Variants in CYSLTR1 observed in about 807,000 individuals in gnomAD.
CYSLTR1 encodes the protein cysteinyl leukotriene receptor 1, also known as G-protein coupled receptor HG55.
A neutral mutation model predicts 2.1 loss-of-function variants in CYSLTR1; 1 was observed. The observed-to-expected ratio is 0.48, with a 90% CI of 0.17 to 2.28. The LOEUF (loss-of-function observed/expected upper bound fraction) is 2.28, where lower values mean the gene tolerates loss of function less well. Among genes scored for constraint, CYSLTR1 ranks in the 30% most tolerant of loss-of-function variants. The pLI, the probability that CYSLTR1 is intolerant of heterozygous loss-of-function variation, is 0.26. For missense variants in CYSLTR1, 299 were observed against 250.1 expected, an observed-to-expected ratio of 1.20 and a Z score of -1.32; for synonymous variants, 110 against 89.6, an observed-to-expected ratio of 1.23 and a Z score of -1.28.
At chrX:78,315,585 C>A (rs767414924) in intron 1 of CYSLTR1, among the ~76,000 whole-genome samples, 39 of 111,449 alleles carry the variant, frequency 3.5e-4, no homozygotes, top group African/African-American at 1.2e-3. Flanking sequence ...CTGAAGGGAA[C>A]TTGGCCCTTA....
Position 78,283,496 on chromosome X carries a change from T to C in CYSLTR1, c.-70A>G, listed in dbSNP as rs927651432. The C allele has an allele frequency of 3.6e-5, 4 of 112,550 alleles. No individual in the cohort carries two copies. The highest frequency in any genetic ancestry group is 5.6e-5 in the Non-Finnish European group (3 of 53,325). The allele number at this position is 112,550 out of a possible 1,213,427, so 9.3% of individuals were successfully genotyped here. Reference sequence around the variant, plus strand: ...GTACCTTCACAAATGTTCCTTCTTATGGTGATCAATGCCTTTTACGGTGTA... The same window carrying C: ...GTACCTTCACAAATGTTCCTTCTTACGGTGATCAATGCCTTTTACGGTGTA... On this transcript the variant is annotated 5_prime_UTR_variant, in exon 2 of 3. Transcript: ENST00000373304.
At chrX:78,293,997 C>T (rs1458476684) in intron 1 of CYSLTR1, among the ~76,000 whole-genome samples, 1 of 112,396 alleles carries the variant, frequency 8.9e-6, no homozygotes, top group Non-Finnish European at 1.9e-5. Flanking sequence ...TTGTCAAAGT[C>T]ATTCTCTGTC....
At chrX:78,324,431 G>T (rs1176154499) in intron 1 of CYSLTR1, among the ~76,000 whole-genome samples, 2 of 111,914 alleles carry the variant, frequency 1.8e-5, no homozygotes, top group African/African-American at 6.5e-5. Flanking sequence ...GCAGTGGCGC[G>T]ATCTCGGCTC....
At chrX:78,277,276 G>T (rs1374653897) in intron 2 of CYSLTR1, among the ~76,000 whole-genome samples, 1 of 111,177 alleles carries the variant, frequency 9.0e-6, no homozygotes, top group Non-Finnish European at 1.9e-5. Flanking sequence ...CTCTCCCAGG[G>T]TCCCTGCCTG....
chrX:78,284,789 T>C (rs367780587), intron 1 of CYSLTR1, among the ~76,000 whole-genome samples: 1 of 95,356 alleles, frequency 1.0e-5, no homozygotes, highest in Non-Finnish European at 2.1e-5. Context: ...AAAAGGAAAA[T>C]AAAAGAAATG....
intron 1 of CYSLTR1, among the ~76,000 whole-genome samples, chrX:78,286,223 T>C (rs1001335856): frequency 4.5e-5 from 5 of 110,793 alleles, no homozygotes; most frequent in African/African-American, 1.6e-4. Context: ...GATGGGAGGA[T>C]TGCTTGAGGT....
At chrX:78,314,895 C>G (rs1923351953) in intron 1 of CYSLTR1, among the ~76,000 whole-genome samples, 1 of 108,949 alleles carries the variant, frequency 9.2e-6, no homozygotes, top group South Asian at 4.0e-4. Flanking sequence ...TGCCCAGATA[C>G]AGTGGACTAG....
intron 1 of CYSLTR1, among the ~76,000 whole-genome samples, 156 bp from the exon 2 acceptor site, chrX:78,283,696 C>T (rs1450222046): frequency 2.7e-5 from 3 of 111,991 alleles, no homozygotes; most frequent in Non-Finnish European, 3.8e-5. Flanking sequence ...TCTGTGTCTC[C>T]TTCTTTTTTC....
At chrX:78,287,481 G>T (rs186900427) in intron 1 of CYSLTR1, among the ~76,000 whole-genome samples, 1 of 111,258 alleles carries the variant, frequency 9.0e-6, no homozygotes, top group Admixed American at 9.6e-5. Context: ...ATTGCATTGT[G>T]GTGATGACTG....
intron 1 of CYSLTR1, among the ~76,000 whole-genome samples, chrX:78,293,024 T>A (rs1483020995): frequency 9.0e-6 from 1 of 111,369 alleles, no homozygotes; most frequent in Admixed American, 9.6e-5. Flanking sequence ...GCCATTATGA[T>A]GTTAGCTGGT....
intron 1 of CYSLTR1, among the ~76,000 whole-genome samples, chrX:78,295,979 A>G (rs999854415): frequency 1.8e-5 from 2 of 111,032 alleles, no homozygotes; most frequent in Non-Finnish European, 3.8e-5. Flanking sequence ...TGCCCAGAAC[A>G]ATGTCCTGGA....
intron 1 of CYSLTR1, among the ~76,000 whole-genome samples, chrX:78,289,121 AC>A (rs1922203454): frequency 3.5e-5 from 3 of 86,220 alleles, no homozygotes; most frequent in South Asian, 1.1e-3. Flanking sequence ...CCAGCCCTCC[AC>A]CCCCCGACAG....
chrX:78,274,268 G>C (rs1022026103), intron 2 of CYSLTR1, among the ~76,000 whole-genome samples: 1 of 111,221 alleles, frequency 9.0e-6, no homozygotes, highest in African/African-American at 3.3e-5. Context: ...TCAATCCTAA[G>C]CCAAAAGAAC....
chrX:78,283,072 C>G (rs1259648959), intron 2 of CYSLTR1, among the ~76,000 whole-genome samples: 1 of 112,250 alleles, frequency 8.9e-6, no homozygotes, highest in Non-Finnish European at 1.9e-5. Context: ...CTACAAGCCA[C>G]TCATTTCACA....
intron 1 of CYSLTR1, among the ~76,000 whole-genome samples, chrX:78,323,899 TC>T (rs748895764): frequency 8.9e-6 from 1 of 111,860 alleles, no homozygotes; most frequent in Non-Finnish European, 1.9e-5. Flanking sequence ...AAAAGGAAAA[TC>T]AACTATGTGT....
At chrX:78,292,324 G>T (rs770261813) in intron 1 of CYSLTR1, among the ~76,000 whole-genome samples, 32 of 112,271 alleles carry the variant, frequency 2.9e-4, no homozygotes, top group African/African-American at 9.7e-4. Flanking sequence ...TTGCACTGTT[G>T]TCTGAGAGAC....
intron 1 of CYSLTR1, among the ~76,000 whole-genome samples, chrX:78,306,027 G>C (rs1244575539): frequency 8.9e-6 from 1 of 112,558 alleles, no homozygotes; most frequent in Non-Finnish European, 1.9e-5. Flanking sequence ...CCAGTAATTT[G>C]CAACAACATA....
chrX:78,281,065 T>C (rs138280392), intron 2 of CYSLTR1, among the ~76,000 whole-genome samples: 25 of 111,827 alleles, frequency 2.2e-4, no homozygotes, highest in African/African-American at 7.8e-4. Flanking sequence ...CACGTCTTTA[T>C]GGTAGAATGA....
intron 2 of CYSLTR1, among the ~76,000 whole-genome samples, chrX:78,282,093 T>G (rs1455705767): frequency 8.9e-6 from 1 of 112,120 alleles, no homozygotes; most frequent in Non-Finnish European, 1.9e-5. Flanking sequence ...CTTTCCCACC[T>G]GGCTTTTTTC....
Sources: gnomAD v4.1 joint callset for allele counts (sites outside exome capture counted in the v4.1 genomes callset) on GRCh38, gnomAD v4.1.1 for gene constraint, MANE v1.5 for transcripts, NCBI Gene and HGNC (gene_info 2026-07-23, HGNC 2026-07-21) for gene names.